PTDSS2: variants seen among roughly 807,000 people sequenced by gnomAD.
The protein encoded by PTDSS2 is PSS-2.
In PTDSS2, 41 loss-of-function variants were observed where a neutral mutation model predicts 64.7. The observed-to-expected ratio is 0.63, with a 90% CI of 0.49 to 0.82. PTDSS2 has a LOEUF of 0.82. PTDSS2 is among the 40% of genes least tolerant of loss of function. The pLI, the probability that PTDSS2 is intolerant of heterozygous loss-of-function variation, is 0.00. For synonymous variants in PTDSS2, 297 were observed against 277.8 expected (o/e 1.07, Z -0.69); for missense variants, 485 against 650.0 (o/e 0.75, Z 2.76).
chr11:482,069 C>T (rs1848097111), intron 4 of PTDSS2, among the ~76,000 whole-genome samples: 1 of 151,860 alleles, frequency 6.6e-6, no homozygotes, highest in Non-Finnish European at 1.5e-5. Flanking sequence ...TGGTCTTGAA[C>T]TCCTGACCTC....
intron 3 of PTDSS2, among the ~76,000 whole-genome samples, chr11:477,129 C>T (rs770970543): frequency 2.6e-5 from 4 of 152,194 alleles, no homozygotes; most frequent in Non-Finnish European, 4.4e-5. Context: ...CAGCTGTAGC[C>T]GTAGCCATTA....
At chr11:452,172 G>A (rs1292881350) in intron 1 of PTDSS2, among the ~76,000 whole-genome samples, 1 of 152,198 alleles carries the variant, frequency 6.6e-6, no homozygotes, top group Non-Finnish European at 1.5e-5. Context: ...CTCCTCTGAG[G>A]TCCCGGAGCG....
intron 2 of PTDSS2, among the ~76,000 whole-genome samples, chr11:466,863 C>G (rs1315972742): frequency 1.3e-5 from 2 of 152,042 alleles, no homozygotes; most frequent in African/African-American, 2.4e-5. Flanking sequence ...ACAGCGAAAC[C>G]GTGTCACATG....
chr11:475,191 T>TGTGTG (rs1401036706), intron 3 of PTDSS2, among the ~76,000 whole-genome samples: 4 of 133,458 alleles, frequency 3.0e-5, no homozygotes, highest in African/African-American at 1.2e-4. Flanking sequence ...TTCACGCGTT[T>TGTGTG]ATGATATGGA....
rs1425296917 is a variant in PTDSS2 at position 487,616 on chromosome 11, A to G, written c.621+146A>G. ...ACTGCAGCCACCCAGAGGTTCGAGAAGCCGTGGGGCTCCCGGACCTCCCAG... is the reference window on the plus strand; with the variant it reads ...ACTGCAGCCACCCAGAGGTTCGAGAGGCCGTGGGGCTCCCGGACCTCCCAG... On this transcript the variant is annotated intron_variant, in intron 6 of 11. Transcript: ENST00000308020. 10 of 756,514 alleles carry G rather than the reference A, an allele frequency of 1.3e-5. No individual in the cohort carries two copies. In the Admixed American group the frequency reaches 1.9e-4, roughly 14 times the overall value. 46.9% of individuals were successfully genotyped at this position (756,514 alleles called of 1,614,324 possible). A position where few individuals can be genotyped will look rare whatever the true frequency, so the allele number is the denominator to read the frequency against.
At chr11:473,159 G>A (rs1412485739) in intron 2 of PTDSS2, among the ~76,000 whole-genome samples, 1 of 152,230 alleles carries the variant, frequency 6.6e-6, no homozygotes, top group Non-Finnish European at 1.5e-5. Context: ...GGCTGAGGCC[G>A]GCCCCAAGGA....
chr11:465,759 C>CG (rs1554950104), intron 2 of PTDSS2, among the ~76,000 whole-genome samples: 1 of 150,828 alleles, frequency 6.6e-6, no homozygotes, highest in East Asian at 2.0e-4. Flanking sequence ...GACCACCCCC[C>CG]CCCCATCTCT....
intron 11 of PTDSS2, 114 bp downstream of exon 11, chr11:490,182 T>C: frequency 8.0e-7 from 1 of 1,254,288 alleles, no homozygotes; most frequent in Non-Finnish European, 1.1e-6. Context: ...GCTTCAACCC[T>C]CTGGCCGCCT....
In PTDSS2 at chr11:462,831, C is replaced by G. The variant is rs1846954484; in HGVS notation, c.284+2543C>G. The G allele has an allele frequency of 6.6e-6, 1 of 152,226 alleles. No homozygotes were observed. The highest frequency in any genetic ancestry group is 2.4e-5 in the African/African-American group (1 of 41,458). 9.4% of individuals were successfully genotyped at this position (152,226 alleles called of 1,614,324 possible). A position where few individuals can be genotyped will look rare whatever the true frequency, so the allele number is the denominator to read the frequency against. ...TGTGGGGGCTGGTTTACTTTTAATA[C>G]TAGAATTATCTGATGTCCTCAAGGG... On this transcript the variant is annotated intron_variant, in intron 2 of 11. Coordinates refer to ENST00000308020, the MANE Select transcript of PTDSS2 (RefSeq NM_030783.3). The surrounding 1 kb of genome is among the most constrained non-coding windows in gnomAD (Gnocchi z 4.5).
intron 8 of PTDSS2, 87 bp from the exon 9 acceptor site, chr11:489,313 G>T: frequency 8.7e-7 from 1 of 1,155,760 alleles, no homozygotes; most frequent in Non-Finnish European, 1.3e-6. Flanking sequence ...GGCGGGGCCG[G>T]GTGACCAGGA....
chr11:489,675 T>G lies in PTDSS2; in HGVS notation c.1057T>G (p.Phe353Val), dbSNP rs1447982601. The change falls in exon 10 of 12, where the codon TTC becomes GTC. Residue 353 changes from phenylalanine (F) to valine (V), a missense_variant. This residue lies in a region of PTDSS2 where 219 missense variants were observed against 257.3 expected (regional missense o/e 0.85). Coordinates refer to ENST00000308020, the MANE Select transcript of PTDSS2 (RefSeq NM_030783.3). ...EHYLVLLRLV[F>V]FVNVGGVAMR... ...CTACCTGGTCCTCCTGCGGCTCGTC[T>G]TCTTCGTGAACGTGGGTGGCGTGGC... 3 of 1,601,480 alleles carry G rather than the reference T, an allele frequency of 1.9e-6. No homozygotes were observed. The highest frequency in any genetic ancestry group is 1.3e-5 in the African/African-American group (1 of 74,816).
rs956127079 is a variant in PTDSS2, at chr11:488,118, C to T, written c.622-81C>T. On this transcript the variant is annotated intron_variant, in intron 6 of 11. Coordinates refer to ENST00000308020, the MANE Select transcript of PTDSS2 (RefSeq NM_030783.3). ...GGCGTCCCATACTCTGGCTGCCAGC[C>T]GGGGTGGGGGCTGCACGCACCCGTG... 21 of 1,047,030 alleles carry T rather than the reference C, an allele frequency of 2.0e-5. 1 individual carries two copies. The highest frequency in any genetic ancestry group is 4.3e-4 in the Middle Eastern group (2 of 4,638). The allele number at this position is 1,047,030 out of a possible 1,614,324, so 64.9% of individuals were successfully genotyped here. A position where few individuals can be genotyped will look rare whatever the true frequency, so the allele number is the denominator to read the frequency against.
At chr11:454,426 G>T (rs957145368) in intron 1 of PTDSS2, among the ~76,000 whole-genome samples, 6 of 152,202 alleles carry the variant, frequency 3.9e-5, no homozygotes, top group African/African-American at 1.2e-4. Flanking sequence ...GGTTAGGGTT[G>T]ATCAATGATC....
intron 2 of PTDSS2, among the ~76,000 whole-genome samples, chr11:467,267 G>A (rs1000080880): frequency 6.6e-6 from 1 of 152,186 alleles, no homozygotes; most frequent in African/African-American, 2.4e-5. Context: ...AGATTGCGGT[G>A]GGAGGATACC....
chr11:450,719 C>T, intron 1 of PTDSS2, 82 bp downstream of exon 1: 2 of 1,149,968 alleles, frequency 1.7e-6, no homozygotes, highest in Non-Finnish European at 2.2e-6. Flanking sequence ...GGGTCCCCGG[C>T]AGCGCCCTCT....
At chr11:489,353 G>A (rs1394270118) in intron 8 of PTDSS2, 47 bp from the exon 9 acceptor site, 1 of 1,527,502 alleles carries the variant, frequency 6.5e-7, no homozygotes. Context: ...CACAGGGCAG[G>A]GTTCGGTGGG....
chr11:466,594 A>G (rs1590632926), intron 2 of PTDSS2, among the ~76,000 whole-genome samples: 1 of 151,906 alleles, frequency 6.6e-6, no homozygotes, highest in South Asian at 2.1e-4. Context: ...TTTTTAATAG[A>G]GACGAGGTTT....
chr11:475,125 CAT>C (rs1159616195), intron 3 of PTDSS2, among the ~76,000 whole-genome samples: 17 of 146,706 alleles, frequency 1.2e-4, no homozygotes, highest in South Asian at 4.4e-4. Flanking sequence ...GTGATACGGA[CAT>C]ATTCACGCGT....
At chr11:485,775 G>A (rs1848338549) in intron 4 of PTDSS2, among the ~76,000 whole-genome samples, 1 of 136,298 alleles carries the variant, frequency 7.3e-6, no homozygotes, top group African/African-American at 2.8e-5. Flanking sequence ...ACGGGCGCGC[G>A]TGTGCTCACC....
Sources: allele counts gnomAD v4.1 joint callset (sites outside exome capture counted in the v4.1 genomes callset), GRCh38; gene constraint gnomAD v4.1.1; regional missense constraint gnomAD v4.1.1; non-coding constraint Gnocchi (gnomAD v3.1); transcripts MANE v1.5; gene names NCBI Gene and HGNC (gene_info 2026-07-23, HGNC 2026-07-21).